The following MITF variants were observed in gnomAD, a reference collection of about 807,000 sequenced individuals.
MITF encodes melanocyte inducing transcription factor, also known as microphthalmia-associated transcription factor.
A neutral mutation model predicts 60.5 loss-of-function variants in MITF; 17 were observed. The observed-to-expected ratio is 0.28, with a 90% CI of 0.19 to 0.42. The LOEUF is 0.42. MITF is among the 10% of genes least tolerant of loss of function. MITF has a pLI of 1.00. For synonymous variants in MITF, 260 were observed against 248.5 expected (o/e 1.05, Z -0.43); for missense variants, 622 against 683.5 (o/e 0.91, Z 1.00).
At chr3:69,744,343 TG>T (rs1703641489) in intron 1 of MITF, among the ~76,000 whole-genome samples, 1 of 126,196 alleles carries the variant, frequency 7.9e-6, no homozygotes, top group African/African-American at 3.0e-5. Context: ...AAAGTTTTCT[TG>T]ATTTTTTTTT....
At chr3:69,939,336 A>G (rs1224560978) in intron 4 of MITF, among the ~76,000 whole-genome samples, 155 bp downstream of exon 4, 1 of 151,160 alleles carries the variant, frequency 6.6e-6, no homozygotes, top group Admixed American at 6.6e-5. Flanking sequence ...TTTTCCTCAT[A>G]GTATCTCATG....
intron 1 of MITF, among the ~76,000 whole-genome samples, chr3:69,740,088 C>T (rs544437074): frequency 6.6e-6 from 1 of 152,238 alleles, no homozygotes; most frequent in African/African-American, 2.4e-5. Context: ...TTCTAGTGAA[C>T]CCCCTTTCTG....
At chr3:69,770,950 C>T (rs973076056) in intron 1 of MITF, among the ~76,000 whole-genome samples, 2 of 152,024 alleles carry the variant, frequency 1.3e-5, no homozygotes, top group African/African-American at 4.8e-5. Flanking sequence ...AACAAGTATC[C>T]GAAGGTGGCC....
intron 7 of MITF, 48 bp downstream of exon 7, chr3:69,951,934 C>A: frequency 7.3e-7 from 1 of 1,362,616 alleles, no homozygotes; most frequent in South Asian, 1.2e-5. Context: ...TAATGTTCCC[C>A]ATATATCAAA....
intron 2 of MITF, chr3:69,936,508 A>G: frequency 8.8e-7 from 1 of 1,139,150 alleles, no homozygotes; most frequent in Non-Finnish European, 1.2e-6. Flanking sequence ...TCCAAAAAAA[A>G]GGCCCTTATG....
At chr3:69,906,934 T>C (rs1376680813) in intron 2 of MITF, among the ~76,000 whole-genome samples, 1 of 152,172 alleles carries the variant, frequency 6.6e-6, no homozygotes, top group African/African-American at 2.4e-5. Context: ...CTTTTTTTAA[T>C]TGGCTACTTA....
intron 1 of MITF, among the ~76,000 whole-genome samples, chr3:69,787,770 C>T (rs1430970257): frequency 6.6e-6 from 1 of 152,104 alleles, no homozygotes; most frequent in Non-Finnish European, 1.5e-5. Context: ...TTCCTGTTTT[C>T]ACATGGATCT....
At chr3:69,908,082 G>GTATTT (rs569365484) in intron 2 of MITF, among the ~76,000 whole-genome samples, 2,330 of 152,100 alleles carry the variant, frequency 0.015, 29 homozygotes, top group Middle Eastern at 0.051. Context: ...AAACCTTATG[G>GTATTT]GGCTTTTGCC....
At chr3:69,923,570 C>T (rs995923480) in intron 2 of MITF, among the ~76,000 whole-genome samples, 1 of 152,304 alleles carries the variant, frequency 6.6e-6, no homozygotes, top group African/African-American at 2.4e-5. Flanking sequence ...GATCGGCCTG[C>T]CTTGGCCTCC....
At chr3:69,744,295 T>C (rs980558009) in intron 1 of MITF, among the ~76,000 whole-genome samples, 4 of 152,248 alleles carry the variant, frequency 2.6e-5, no homozygotes, top group Non-Finnish European at 1.5e-5. Flanking sequence ...TAATCCATTC[T>C]TGGCAAAACA....
intron 1 of MITF, among the ~76,000 whole-genome samples, chr3:69,877,312 A>G (rs991992211): frequency 6.6e-6 from 1 of 152,214 alleles, no homozygotes; most frequent in Non-Finnish European, 1.5e-5. Context: ...AAAATTGTCC[A>G]TCACAACATT....
chr3:69,879,142 C>T lies in MITF; in HGVS notation c.113C>T (p.Ala38Val). 6.2e-7 allele frequency: 1 copy of T among 1,614,194 alleles called. No homozygotes were observed. Among genetic ancestry groups the T allele is most frequent in the Non-Finnish European group, 8.5e-7 (1 of 1,180,036 alleles). Reference protein sequence around the residue: ...KSQPLKSSSSAEHPGASKPPI... With the variant: ...KSQPLKSSSSVEHPGASKPPI... ...TTTTGGTTTTCCCACAGCAGTTCCG[C>T]CGAGCATCCTGGGGCCTCCAAGCCT... Residue 38 changes from alanine to valine, a missense_variant, in exon 2 of 10, where the codon GCC becomes GTC. Ala to Val is a moderately conservative substitution (Grantham distance 64). Around this residue, in one of 5 missense-constraint regions of MITF, gnomAD observed 149 missense variants for 157.8 expected, o/e 0.94. Coordinates refer to ENST00000352241, the MANE Select transcript of MITF (RefSeq NM_001354604.2).
chr3:69,905,588 A>G (rs1351706624), intron 2 of MITF, among the ~76,000 whole-genome samples: 1 of 152,106 alleles, frequency 6.6e-6, no homozygotes, highest in Admixed American at 6.6e-5. Flanking sequence ...CTTGTCATTT[A>G]TATTCTCACC....
intron 1 of MITF, among the ~76,000 whole-genome samples, chr3:69,844,732 G>A (rs1320134953): frequency 6.6e-6 from 1 of 151,856 alleles, no homozygotes. Context: ...ATCTGACAAA[G>A]GGCTAATATC....
intron 6 of MITF, among the ~76,000 whole-genome samples, chr3:69,950,456 A>G (rs1374556387): frequency 6.1e-5 from 9 of 147,348 alleles, no homozygotes; most frequent in African/African-American, 2.0e-4. Flanking sequence ...AGTTATATAT[A>G]TATATATATA....
At chr3:69,812,606 C>G (rs903428873) in intron 1 of MITF, among the ~76,000 whole-genome samples, 2 of 152,094 alleles carry the variant, frequency 1.3e-5, no homozygotes, top group African/African-American at 4.8e-5. Context: ...TATTTGCTGC[C>G]TCAGTTGTCT....
At chr3:69,817,987 T>C (rs1186981878) in intron 1 of MITF, among the ~76,000 whole-genome samples, 1 of 152,182 alleles carries the variant, frequency 6.6e-6, no homozygotes, top group African/African-American at 2.4e-5. Flanking sequence ...CACATATGCA[T>C]TAGATATTGT....
At chr3:69,853,510 A>G (rs2063861374) in intron 1 of MITF, among the ~76,000 whole-genome samples, 1 of 152,070 alleles carries the variant, frequency 6.6e-6, no homozygotes. Context: ...CCGTTTAGTA[A>G]AGACCAATAA....
chr3:69,964,912 A>T lies in MITF; in HGVS notation c.1245A>T (p.Pro415=). The T allele has an allele frequency of 6.2e-7, 1 of 1,614,054 alleles. No homozygotes were observed. The highest frequency in any genetic ancestry group is 8.5e-7 in the Non-Finnish European group (1 of 1,179,994). Residue 415 remains proline, a synonymous_variant, in exon 10 of 10, where the codon CCA becomes CCT. Transcript: ENST00000352241. ...TTCCATCCACGGGTCTCTGCTCTCC[A>T]GATTTGGTGAATCGGATCATCAAGC... ...SLIPSTGLCS[P]DLVNRIIKQE... is the part of the protein sequence containing the mutation.
Sources: allele counts gnomAD v4.1 joint callset (sites outside exome capture counted in the v4.1 genomes callset), GRCh38; gene constraint gnomAD v4.1.1; regional missense constraint gnomAD v4.1.1; transcripts MANE v1.5; gene names NCBI Gene and HGNC (gene_info 2026-07-23, HGNC 2026-07-21).